HERC4: variants seen among roughly 807,000 people sequenced by gnomAD.
The protein encoded by HERC4 is HECT and RLD domain containing E3 ubiquitin protein ligase 4, also known as probable E3 ubiquitin-protein ligase HERC4.
Under a neutral mutation model 124.3 loss-of-function variants are expected in HERC4, and 28 were observed. The observed-to-expected ratio is 0.23, with a 90% CI of 0.17 to 0.31. The LOEUF is 0.31. HERC4 is among the 10% of genes least tolerant of loss of function. The pLI, the probability that HERC4 is intolerant of heterozygous loss-of-function variation, is 1.00. For missense variants in HERC4, 713 were observed against 1,229.3 expected (o/e 0.58, Z 6.28); for synonymous variants, 407 against 421.5 (o/e 0.97, Z 0.42).
At chr10:67,966,550 GTTAT>G in intron 16 of HERC4, 129 bp downstream of exon 16, 1 of 760,858 alleles carries the variant, frequency 1.3e-6, no homozygotes, top group Non-Finnish European at 2.1e-6. Flanking sequence ...TTTGCAATGT[GTTAT>G]TATTTAAAAA....
chr10:67,952,958 T>C (rs528986239), intron 19 of HERC4, among the ~76,000 whole-genome samples: 1 of 151,730 alleles, frequency 6.6e-6, no homozygotes, highest in East Asian at 1.9e-4. Context: ...AGAACTCCCA[T>C]GTACCCTTCA....
At chr10:67,998,980 C>T (rs1337380870) in intron 9 of HERC4, among the ~76,000 whole-genome samples, 1 of 152,150 alleles carries the variant, frequency 6.6e-6, no homozygotes, top group Non-Finnish European at 1.5e-5. Flanking sequence ...ATACACCCAT[C>T]TCGGCCTCCC....
At position 68,005,267 on chromosome 10, in the gene HERC4, C is replaced by T. The variant is rs577252776; in HGVS notation, c.1069+8759G>A. 5.9e-5 allele frequency among the ~76,000 whole-genome samples: 9 copies of T among 152,270 alleles called. 1 individual carries two copies. The highest frequency in any genetic ancestry group is 9.6e-5 in the African/African-American group (4 of 41,556). ...ACAACTGTTATATCCTCTTGTTGTA[C>T]TAATCCTTTTATCATTATACAATGA... On this transcript the variant is annotated intron_variant, in intron 9 of 24. Coordinates refer to ENST00000373700, the MANE Select transcript of HERC4 (RefSeq NM_015601.4).
intron 8 of HERC4, among the ~76,000 whole-genome samples, chr10:68,016,569 T>C (rs2038282871): frequency 6.6e-6 from 1 of 152,146 alleles, no homozygotes; most frequent in Admixed American, 6.5e-5. Flanking sequence ...GTCAGGATGG[T>C]CTTGATCTCT....
Position 67,954,652 on chromosome 10 carries a change from A to G in HERC4, c.2280T>C (p.Pro760=). 6.2e-7 allele frequency: 1 copy of G among 1,613,630 alleles called. No homozygotes were observed. Among genetic ancestry groups the G allele is most frequent in the South Asian group, 1.1e-5 (1 of 91,038 alleles). ...CATAATACCTAAACATGCCGTATTT[A>G]GGATCCAATAATTCCCTCATGATGA... ...FLLIMRELLD[P]KYGMFRYYED... The change falls in exon 19 of 25, where the codon CCT becomes CCC. Residue 760 remains proline (P), a synonymous_variant. Transcript: ENST00000373700.
At chr10:67,988,925 AGTT>A in intron 14 of HERC4, 90 bp from the exon 15 acceptor site, 1 of 1,019,442 alleles carries the variant, frequency 9.8e-7, no homozygotes, top group Non-Finnish European at 1.5e-6. Context: ...CTGAAACAGT[AGTT>A]GTTAAACCTG....
At chr10:68,010,516 T>A in intron 9 of HERC4, 1 of 949,264 alleles carries the variant, frequency 1.1e-6, no homozygotes, top group Non-Finnish European at 1.7e-6. Flanking sequence ...ATGTGACTGA[T>A]CTGCTGCAGT....
At chr10:67,923,583 C>T (rs1159674833) in intron 24 of HERC4, among the ~76,000 whole-genome samples, 2 of 150,968 alleles carry the variant, frequency 1.3e-5, no homozygotes, top group Non-Finnish European at 1.5e-5. Flanking sequence ...TTTTTTGAGA[C>T]GAGTCTTGCT....
At chr10:67,985,387 G>A (rs1346161027) in intron 15 of HERC4, among the ~76,000 whole-genome samples, 1 of 152,170 alleles carries the variant, frequency 6.6e-6, no homozygotes. Flanking sequence ...CAACTTATGT[G>A]TTTAGGATTA....
At chr10:67,975,061 C>T (rs564574884) in intron 15 of HERC4, among the ~76,000 whole-genome samples, 4 of 152,032 alleles carry the variant, frequency 2.6e-5, no homozygotes, top group East Asian at 1.9e-4. Context: ...TGGTGGCGCA[C>T]GCCTGTAGTC....
chr10:67,931,777 GAGAC>G (rs1031548876), intron 23 of HERC4, among the ~76,000 whole-genome samples: 31 of 151,922 alleles, frequency 2.0e-4, no homozygotes, highest in East Asian at 5.8e-4. Flanking sequence ...GTTTTCTTTT[GAGAC>G]AGACAGGCTC....
rs1025567835 is a variant in HERC4, at chr10:67,922,764, T to C, written c.*167A>G. On this transcript the variant is annotated 3_prime_UTR_variant, in exon 25 of 25. Transcript: ENST00000373700. Reference sequence around the variant, plus strand: ...TCTGTACAATAATATTAACAGTTTGTTCATTTTCCTTTAATATTTTTTGGC... The same window carrying C: ...TCTGTACAATAATATTAACAGTTTGCTCATTTTCCTTTAATATTTTTTGGC... The C allele has an allele frequency of 5.9e-6, 3 of 506,180 alleles. No individual in the cohort carries two copies. Among genetic ancestry groups the C allele is most frequent in the African/African-American group, 5.7e-5 (3 of 52,866 alleles). 31.4% of individuals were successfully genotyped at this position (506,180 alleles called of 1,614,324 possible). A position where few individuals can be genotyped will look rare whatever the true frequency, so the allele number is the denominator to read the frequency against.
intron 21 of HERC4, among the ~76,000 whole-genome samples, chr10:67,938,081 C>G (rs1236690385): frequency 6.6e-6 from 1 of 151,856 alleles, no homozygotes; most frequent in Non-Finnish European, 1.5e-5. Flanking sequence ...TCAGCTTTGA[C>G]AAAACCATAA....
At chr10:68,034,872 T>C (rs1019953567) in intron 5 of HERC4, among the ~76,000 whole-genome samples, 1 of 152,054 alleles carries the variant, frequency 6.6e-6, no homozygotes, top group Non-Finnish European at 1.5e-5. Flanking sequence ...TCACCAAATT[T>C]ACATCCAGTT....
At chr10:68,061,055 G>A (rs955219887) in intron 3 of HERC4, among the ~76,000 whole-genome samples, 2 of 151,958 alleles carry the variant, frequency 1.3e-5, no homozygotes, top group African/African-American at 4.8e-5. Context: ...TCCCCACACC[G>A]TTTCCCTTTC....
intron 6 of HERC4, among the ~76,000 whole-genome samples, chr10:68,033,118 C>A (rs997419443): frequency 5.3e-5 from 8 of 152,030 alleles, no homozygotes; most frequent in Non-Finnish European, 7.4e-5. Flanking sequence ...ACTCAGAAAT[C>A]AAGAAATTTC....
At chr10:68,018,269 GAAAA>G (rs11298676) in intron 8 of HERC4, among the ~76,000 whole-genome samples, 49 of 148,446 alleles carry the variant, frequency 3.3e-4, no homozygotes, top group African/African-American at 1.2e-3. Flanking sequence ...CAGATTAAAG[GAAAA>G]AAAAATCATA....
chr10:67,992,865 A>T (rs1477247185), intron 9 of HERC4, 183 bp from the exon 10 acceptor site: 21 of 473,104 alleles, frequency 4.4e-5, no homozygotes, highest in Non-Finnish European at 7.5e-6. Context: ...CAAATGATGA[A>T]CATTAAACGA....
intron 3 of HERC4, among the ~76,000 whole-genome samples, chr10:68,059,434 C>T (rs560955845): frequency 1.0e-5 from 1 of 100,134 alleles, no homozygotes; most frequent in East Asian, 2.4e-4. Flanking sequence ...GTTTCTCTCG[C>T]TATTATAATA....
Sources: allele counts gnomAD v4.1 joint callset (sites outside exome capture counted in the v4.1 genomes callset), GRCh38; gene constraint gnomAD v4.1.1; transcripts MANE v1.5; gene names NCBI Gene and HGNC (gene_info 2026-07-23, HGNC 2026-07-21).